The following PLD5 variants were observed in gnomAD, a reference collection of about 807,000 sequenced individuals.
The protein encoded by PLD5 is phospholipase D family member 5, also known as inactive phospholipase D5.
PLD5 carries 36 observed loss-of-function variants against 61.1 expected under a neutral mutation model. The ratio of observed to expected loss-of-function variants is 0.59; its 90% confidence interval spans 0.45 to 0.78. The LOEUF is 0.78. PLD5 is among the 30% of genes least tolerant of loss of function. PLD5 has a pLI of 0.00. For missense variants in PLD5, 515 were observed against 644.4 expected (o/e 0.80, Z 2.17); for synonymous variants, 243 against 242.8 (o/e 1.00, Z -0.01).
At position 242,473,205 on chromosome 1, in the gene PLD5, A is replaced by G. The variant is rs555811453; in HGVS notation, c.189+50883T>C. 2.0e-4 allele frequency among the ~76,000 whole-genome samples: 31 copies of G among 152,342 alleles called. No individual in the cohort carries two copies. The East Asian group carries it at 5.2e-3, about 26-fold the overall frequency. On this transcript the variant is annotated intron_variant, in intron 1 of 9. Coordinates refer to ENST00000536534, the MANE Select transcript of PLD5 (RefSeq NM_001372062.1). ...CAAACCTAGATTTAAAGAGTAAGAC[A>G]TACTTCTTGTGGATTAAAAATAACC...
chr1:242,261,885 A>G (rs1180580228), intron 4 of PLD5, among the ~76,000 whole-genome samples: 1 of 152,218 alleles, frequency 6.6e-6, no homozygotes, highest in African/African-American at 2.4e-5. Flanking sequence ...GAGAGTGTGA[A>G]TTAGTACAAC....
At chr1:242,186,800 C>T (rs888387755) in intron 5 of PLD5, among the ~76,000 whole-genome samples, 7 of 152,086 alleles carry the variant, frequency 4.6e-5, no homozygotes, top group Admixed American at 2.0e-4. Context: ...TAGTCATGGA[C>T]GCAAAGGAAT....
intron 1 of PLD5, among the ~76,000 whole-genome samples, chr1:242,507,322 C>T (rs970649384): frequency 1.3e-5 from 2 of 152,142 alleles, no homozygotes; most frequent in African/African-American, 4.8e-5. Flanking sequence ...ACTTTTGAGA[C>T]ACAAATCTGA....
At chr1:242,247,173 G>A (rs1371422185) in intron 4 of PLD5, among the ~76,000 whole-genome samples, 2 of 152,002 alleles carry the variant, frequency 1.3e-5, no homozygotes, top group Non-Finnish European at 2.9e-5. Context: ...TAGTAGAGAC[G>A]GGGTTTCACT....
chr1:242,394,138 GTATA>G (rs1244596830), intron 1 of PLD5, among the ~76,000 whole-genome samples: 1 of 91,412 alleles, frequency 1.1e-5, no homozygotes, highest in African/African-American at 3.8e-5. Flanking sequence ...ATATATATGA[GTATA>G]TATATGTGTA....
At chr1:242,371,998 T>C (rs1367420566) in intron 1 of PLD5, among the ~76,000 whole-genome samples, 1 of 152,118 alleles carries the variant, frequency 6.6e-6, no homozygotes, top group Non-Finnish European at 1.5e-5. Flanking sequence ...GTATTTCTCC[T>C]AATGCTATCC....
chr1:242,398,341 G>A (rs1372393713), intron 1 of PLD5, among the ~76,000 whole-genome samples: 2 of 152,156 alleles, frequency 1.3e-5, no homozygotes, highest in Non-Finnish European at 2.9e-5. Context: ...TCGTCTCGCT[G>A]TTCAATCAAA....
chr1:242,524,360 C>T lies in PLD5; in HGVS notation c.-84G>A, dbSNP rs1379096249. On this transcript the variant is annotated 5_prime_UTR_variant, in exon 1 of 10. Coordinates refer to ENST00000536534, the MANE Select transcript of PLD5 (RefSeq NM_001372062.1). ...CCGGGCGCGGAGGGCGAGCGGGAGG[C>T]CCAGCGGGAGCCGGAGGTGGAGCTG... 3 of 1,256,504 alleles carry T rather than the reference C, an allele frequency of 2.4e-6. No individual in the cohort carries two copies. In the East Asian group the frequency reaches 9.5e-5, roughly 40 times the overall value. 77.8% of individuals were successfully genotyped at this position (1,256,504 alleles called of 1,614,324 possible). A position where few individuals can be genotyped will look rare whatever the true frequency, so the allele number is the denominator to read the frequency against.
At chr1:242,349,856 G>A (rs923955813) in intron 1 of PLD5, among the ~76,000 whole-genome samples, 9 of 152,170 alleles carry the variant, frequency 5.9e-5, no homozygotes, top group Non-Finnish European at 7.3e-5. Context: ...ATTAGGTCAC[G>A]AAGACAGAGT....
intron 5 of PLD5, among the ~76,000 whole-genome samples, chr1:242,219,620 A>C (rs1481022810): frequency 3.3e-5 from 5 of 152,234 alleles, no homozygotes; most frequent in Non-Finnish European, 5.9e-5. Context: ...AATGATTACT[A>C]TCCTAAGACA....
chr1:242,233,834 C>A (rs192466800), intron 4 of PLD5, among the ~76,000 whole-genome samples: 6 of 152,230 alleles, frequency 3.9e-5, no homozygotes, highest in Non-Finnish European at 7.4e-5. Context: ...CTCTCTGTCT[C>A]GGAATAACTG....
intron 5 of PLD5, among the ~76,000 whole-genome samples, chr1:242,125,807 C>T (rs1472695380): frequency 6.6e-6 from 1 of 152,072 alleles, no homozygotes; most frequent in Non-Finnish European, 1.5e-5. Flanking sequence ...TCTCTTTGCT[C>T]CCAGGACTCC....
At chr1:242,424,544 T>C (rs114677102) in intron 1 of PLD5, among the ~76,000 whole-genome samples, 5,148 of 147,786 alleles carry the variant, frequency 0.035, 126 homozygotes, top group Non-Finnish European at 0.051. Context: ...TGCTCCCTCA[T>C]AGAAAAAAAA....
At position 242,123,673 on chromosome 1, in the gene PLD5, C is replaced by T. The variant is rs144812588; in HGVS notation, c.933+795G>A. 1.5e-3 allele frequency among the ~76,000 whole-genome samples: 236 copies of T among 152,276 alleles called. 1 individual carries two copies. The highest frequency in any genetic ancestry group is 0.013 in the South Asian group (62 of 4,812). On this transcript the variant is annotated intron_variant, in intron 6 of 9. Transcript: ENST00000536534. ...ACTCCACACACACGGTGGCCCCAGC[C>T]GAAAATCAATTGTTTTTTTTCTTAT...
At chr1:242,311,732 G>A (rs1296403079) in intron 2 of PLD5, among the ~76,000 whole-genome samples, 2 of 152,020 alleles carry the variant, frequency 1.3e-5, no homozygotes, top group Non-Finnish European at 2.9e-5. Flanking sequence ...TGAGCTTCTT[G>A]CATTTGTACA....
chr1:242,522,953 C>A (rs546488389), intron 1 of PLD5, among the ~76,000 whole-genome samples: 1 of 152,280 alleles, frequency 6.6e-6, no homozygotes, highest in East Asian at 1.9e-4. Flanking sequence ...ACCTTCCTTT[C>A]AGATTATTAT....
intron 2 of PLD5, among the ~76,000 whole-genome samples, chr1:242,313,120 A>G (rs1265679503): frequency 1.1e-4 from 16 of 152,228 alleles, no homozygotes; most frequent in Admixed American, 1.0e-3. Flanking sequence ...AAATCTCAAT[A>G]AACTTTGGCC....
intron 1 of PLD5, among the ~76,000 whole-genome samples, chr1:242,407,657 G>A (rs1327490647): frequency 2.7e-5 from 4 of 149,408 alleles, no homozygotes; most frequent in Non-Finnish European, 5.9e-5. Flanking sequence ...TCAGCTCACT[G>A]CAACCTCTGC....
At chr1:242,458,096 C>T (rs1210307103) in intron 1 of PLD5, among the ~76,000 whole-genome samples, 1 of 152,152 alleles carries the variant, frequency 6.6e-6, no homozygotes, top group Admixed American at 6.5e-5. Flanking sequence ...CTCTGTCCCT[C>T]CTTTAGGACA....
Sources: allele counts gnomAD v4.1 joint callset (sites outside exome capture counted in the v4.1 genomes callset), GRCh38; gene constraint gnomAD v4.1.1; transcripts MANE v1.5; gene names NCBI Gene and HGNC (gene_info 2026-07-23, HGNC 2026-07-21).